The following CEP63 variants were observed in gnomAD, a reference collection of about 807,000 sequenced individuals.
The protein encoded by CEP63 is centrosomal protein 63, also known as centrosomal protein of 63 kDa.
A neutral mutation model predicts 89.1 loss-of-function variants in CEP63; 84 were observed. The observed-to-expected ratio is 0.94, with a 90% CI of 0.79 to 1.13. CEP63 has a LOEUF of 1.13. Among genes scored for constraint, CEP63 ranks in the 50% most tolerant of loss-of-function variants. The probability of loss-of-function intolerance (pLI) is 0.00; values close to 1 mark genes in which losing one functional copy is unlikely to be tolerated. For missense variants in CEP63, 838 were observed against 813.3 expected, an observed-to-expected ratio of 1.03 and a Z score of -0.37; for synonymous variants, 267 against 272.5, an observed-to-expected ratio of 0.98 and a Z score of 0.20.
chr3:134,692,547 T>G, the CEP63 span, among the ~76,000 whole-genome samples: 1 of 152,330 alleles, frequency 6.6e-6, no homozygotes, highest in African/African-American at 2.4e-5. Flanking sequence ...GCCATATAAC[T>G]TCTGCAAAAC....
At chr3:134,579,486 G>A (rs1439679753), downstream of CEP63, among the ~76,000 whole-genome samples, 1 of 152,194 alleles carries the variant, frequency 6.6e-6, no homozygotes, top group Non-Finnish European at 1.5e-5. Context: ...ATTCTAGTGG[G>A]TGTGTACTGA....
At chr3:134,557,395 T>G (rs1427359938) in intron 12 of CEP63, among the ~76,000 whole-genome samples, 1 of 138,538 alleles carries the variant, frequency 7.2e-6, no homozygotes, top group Non-Finnish European at 1.6e-5. Context: ...TTTTTTTTTT[T>G]TTTTTTTTTA....
chr3:134,648,875 G>A, the CEP63 span, among the ~76,000 whole-genome samples: 1 of 152,334 alleles, frequency 6.6e-6, no homozygotes, highest in Middle Eastern at 3.4e-3. Flanking sequence ...CCACTCTCCA[G>A]TGGAGGATCT....
intron 1 of CEP63, among the ~76,000 whole-genome samples, chr3:134,494,115 TTTATTTA>T (rs1234571485): frequency 6.6e-6 from 1 of 150,680 alleles, no homozygotes; most frequent in African/African-American, 2.4e-5. Flanking sequence ...TATTTATTTA[TTTATTTA>T]TTTATTTATT....
At chr3:134,624,942 C>A in the CEP63 span, 1 of 955,626 alleles carries the variant, frequency 1.0e-6, no homozygotes, top group Non-Finnish European at 1.6e-6. Flanking sequence ...CAGGGCCATC[C>A]AACCAAGCCA....
intron 1 of CEP63, among the ~76,000 whole-genome samples, chr3:134,490,332 G>T (rs924875565): frequency 7.9e-5 from 12 of 151,978 alleles, no homozygotes; most frequent in African/African-American, 2.4e-4. Context: ...GCCATTAATA[G>T]AATTAGTTTT....
chr3:134,675,107 T>G, the CEP63 span, among the ~76,000 whole-genome samples: 1 of 152,146 alleles, frequency 6.6e-6, no homozygotes, highest in African/African-American at 2.4e-5. Context: ...ACAACACAAT[T>G]GGAGAACTCA....
the CEP63 span, among the ~76,000 whole-genome samples, chr3:134,643,984 A>G: frequency 1.3e-5 from 2 of 152,006 alleles, no homozygotes; most frequent in South Asian, 4.2e-4. Flanking sequence ...CCGCCACCAC[A>G]CTGGCTAATT....
At chr3:134,615,145 G>A in the CEP63 span, 2 of 152,040 alleles carry the variant, frequency 1.3e-5, no homozygotes, top group African/African-American at 2.4e-5. Flanking sequence ...TTACAGCTAC[G>A]TCAATAACTA....
the CEP63 span, among the ~76,000 whole-genome samples, chr3:134,710,319 A>G: frequency 1.3e-5 from 2 of 152,174 alleles, no homozygotes; most frequent in African/African-American, 4.8e-5. Flanking sequence ...CAAAAGCTCC[A>G]GTAGTGTCAT....
intron 1 of CEP63, chr3:134,486,454 G>T (rs1935418029): frequency 6.1e-6 from 6 of 985,570 alleles, no homozygotes; most frequent in Non-Finnish European, 7.2e-6. Context: ...CTGCACACTG[G>T]CGGAGTCTGG....
chr3:134,548,717 A>T (rs1039681154), intron 9 of CEP63, among the ~76,000 whole-genome samples: 1 of 152,148 alleles, frequency 6.6e-6, no homozygotes, highest in South Asian at 2.1e-4. Context: ...TCTTACTTTT[A>T]TCTACATGTT....
At chr3:134,586,226 C>T (rs913805298) in intron 10 of CEP63, among the ~76,000 whole-genome samples, 2 of 152,100 alleles carry the variant, frequency 1.3e-5, no homozygotes, top group Admixed American at 6.6e-5. Context: ...TGAATTTGAT[C>T]TTGTCATTAT....
the CEP63 span, among the ~76,000 whole-genome samples, chr3:134,664,514 T>C: frequency 6.5e-4 from 99 of 152,308 alleles, no homozygotes; most frequent in African/African-American, 2.2e-3. Flanking sequence ...CCTCTGTGCA[T>C]GTACCTCACT....
the CEP63 span, among the ~76,000 whole-genome samples, chr3:134,601,300 G>A: frequency 6.6e-6 from 1 of 152,172 alleles, no homozygotes; most frequent in African/African-American, 2.4e-5. Flanking sequence ...TTGAGGGGCG[G>A]GGCCTCCCTC....
At chr3:134,690,743 A>ATTTTTTTTTTTTTTTTTTTTT in the CEP63 span, among the ~76,000 whole-genome samples, 19 of 120,792 alleles carry the variant, frequency 1.6e-4, 1 homozygote, top group African/African-American at 6.2e-4. Flanking sequence ...GAAGACCAAG[A>ATTTTTTTTTTTTTTTTTTTTT]TTTTTTTTTT....
chr3:134,492,183 C>T (rs1937840721), intron 1 of CEP63, among the ~76,000 whole-genome samples: 2 of 149,220 alleles, frequency 1.3e-5, no homozygotes, highest in Non-Finnish European at 3.0e-5. Flanking sequence ...ACGCCATTCT[C>T]CTGCCTCAGC....
At chr3:134,597,072 T>C in the CEP63 span, among the ~76,000 whole-genome samples, 2 of 151,144 alleles carry the variant, frequency 1.3e-5, no homozygotes, top group Non-Finnish European at 3.0e-5. Flanking sequence ...TCAGGGAGAG[T>C]GATGGGAGAC....
chr3:134,691,451 C>A, the CEP63 span, among the ~76,000 whole-genome samples: 1 of 151,056 alleles, frequency 6.6e-6, no homozygotes, highest in Non-Finnish European at 1.5e-5. Flanking sequence ...CCTGTCTCTA[C>A]AAAAATAGCA....
Sources: allele counts gnomAD v4.1 joint callset (sites outside exome capture counted in the v4.1 genomes callset), GRCh38; gene constraint gnomAD v4.1.1; transcripts MANE v1.5; gene names NCBI Gene and HGNC (gene_info 2026-07-23, HGNC 2026-07-21).